Variants in NSD3 observed in about 807,000 individuals in gnomAD.
The protein encoded by NSD3 is nuclear receptor binding SET domain protein 3, also known as histone-lysine N-methyltransferase NSD3.
NSD3 carries 24 observed loss-of-function variants against 160.8 expected under a neutral mutation model. The ratio of observed to expected loss-of-function variants is 0.15; its 90% CI spans 0.11 to 0.21. The LOEUF (loss-of-function observed/expected upper bound fraction) is 0.21. Ranked by LOEUF, NSD3 falls within the 10% of genes least tolerant of loss-of-function variation. The pLI is 1.00. For synonymous variants in NSD3, 520 were observed against 600.0 expected, an observed-to-expected ratio of 0.87 and a Z score of 1.95; for missense variants, 1,157 against 1,735.9, an observed-to-expected ratio of 0.67 and a Z score of 5.93.
At chr8:38,283,721 C>T (rs1275748432) in intron 19 of NSD3, among the ~76,000 whole-genome samples, 1 of 152,196 alleles carries the variant, frequency 6.6e-6, no homozygotes, top group African/African-American at 2.4e-5. Flanking sequence ...ACATATGCTT[C>T]AGCTGCGGAG....
intron 1 of NSD3, among the ~76,000 whole-genome samples, chr8:38,349,381 G>C (rs1397463011): frequency 1.3e-5 from 2 of 150,814 alleles, no homozygotes; most frequent in Admixed American, 6.6e-5. Flanking sequence ...ACAGGGTCTT[G>C]CTATGTTGCC....
intron 1 of NSD3, among the ~76,000 whole-genome samples, chr8:38,353,195 A>C (rs993659461): frequency 6.6e-6 from 1 of 152,188 alleles, no homozygotes; most frequent in Non-Finnish European, 1.5e-5. Context: ...CTGCAAAAAA[A>C]CCGCAGTTCC....
chr8:38,318,797 G>A lies in NSD3; in HGVS notation c.1855+98C>T, dbSNP rs1169928273. 2.2e-5 allele frequency: 26 copies of A among 1,188,170 alleles called. No individual in the cohort carries two copies. The highest frequency in any genetic ancestry group is 3.1e-5 in the Non-Finnish European group (25 of 807,098). The allele number at this position is 1,188,170 out of a possible 1,614,324, so 73.6% of individuals were successfully genotyped here. On this transcript the variant is annotated intron_variant, in intron 9 of 23. Coordinates refer to ENST00000317025, the MANE Select transcript of NSD3 (RefSeq NM_023034.2). The surrounding 1 kb of genome is among the most constrained non-coding windows in gnomAD (Gnocchi z 5.3). ...CAATTTCACACTGAAGAGCAACAAC[G>A]ATTTACAGAGACAGACAAAAATACA...
intron 19 of NSD3, among the ~76,000 whole-genome samples, chr8:38,282,837 T>G (rs1350413326): frequency 1.3e-5 from 2 of 152,234 alleles, no homozygotes; most frequent in Non-Finnish European, 2.9e-5. Context: ...CTCTGAGTAG[T>G]GTTTCTGCCA....
intron 1 of NSD3, among the ~76,000 whole-genome samples, chr8:38,380,257 T>C (rs563507168): frequency 1.3e-5 from 2 of 152,344 alleles, no homozygotes; most frequent in East Asian, 3.9e-4. Context: ...AAGCAAGAGC[T>C]ATCAGAAATA....
chr8:38,372,086 AT>A (rs1167464542), intron 1 of NSD3, among the ~76,000 whole-genome samples: 1 of 152,240 alleles, frequency 6.6e-6, no homozygotes, highest in African/African-American at 2.4e-5. Flanking sequence ...TACTTTTTGA[AT>A]GGTTCCAATA....
At chr8:38,381,753 CACACACACACACACACACACAT>C (rs1438182461) in intron 1 of NSD3, 24 bp downstream of exon 1, 1 of 98,772 alleles carries the variant, frequency 1.0e-5, no homozygotes, top group African/African-American at 3.4e-5. Context: ...CGCGCACACA[CACACACACACACACACACACAT>C]ACACACACGC....
intron 1 of NSD3, among the ~76,000 whole-genome samples, chr8:38,358,763 A>G (rs1448494205): frequency 6.6e-6 from 1 of 152,138 alleles, no homozygotes; most frequent in Non-Finnish European, 1.5e-5. Context: ...TTTAATATGT[A>G]CATACACGCA....
At chr8:38,363,107 C>A (rs1294908180) in intron 1 of NSD3, among the ~76,000 whole-genome samples, 2 of 152,244 alleles carry the variant, frequency 1.3e-5, no homozygotes, top group African/African-American at 4.8e-5. Flanking sequence ...AACAAAACTA[C>A]TTCCGTGTTA....
chr8:38,341,955 A>C (rs1810379825), intron 2 of NSD3, among the ~76,000 whole-genome samples: 1 of 150,434 alleles, frequency 6.6e-6, no homozygotes, highest in African/African-American at 2.4e-5. Flanking sequence ...CAAAAAAACA[A>C]AAAAAAAAGG....
intron 1 of NSD3, among the ~76,000 whole-genome samples, chr8:38,368,179 C>T (rs540652524): frequency 2.2e-4 from 33 of 152,234 alleles, no homozygotes; most frequent in African/African-American, 4.6e-4. Context: ...AGGCCGGTCT[C>T]GAACTCCTGA....
chr8:38,292,114 C>T (rs1181092101), intron 16 of NSD3, among the ~76,000 whole-genome samples: 1 of 152,162 alleles, frequency 6.6e-6, no homozygotes, highest in Non-Finnish European at 1.5e-5. Context: ...GATCTGAAGG[C>T]TTCTTACATT....
At chr8:38,328,215 T>C (rs1809963450) in intron 6 of NSD3, among the ~76,000 whole-genome samples, 1 of 152,172 alleles carries the variant, frequency 6.6e-6, no homozygotes, top group Non-Finnish European at 1.5e-5. Context: ...TATAAATATA[T>C]ACATGCATAT....
At chr8:38,328,949 T>C (rs1411712826) in intron 6 of NSD3, among the ~76,000 whole-genome samples, 1 of 152,240 alleles carries the variant, frequency 6.6e-6, no homozygotes, top group Non-Finnish European at 1.5e-5. Flanking sequence ...AAATTGCTGG[T>C]GGAACCAAAC....
rs370508902 is a variant in NSD3 at position 38,302,918 on chromosome 8, G to A, written c.2611+1669C>T. ...CCAAGTGTTGGGATTACAGGCGTGA[G>A]CTACTGTGCCCAGCCTGAAAATACC... On this transcript the variant is annotated intron_variant, in intron 14 of 23. Coordinates refer to ENST00000317025, the MANE Select transcript of NSD3 (RefSeq NM_023034.2). Among the ~76,000 whole-genome samples, 11 of 152,190 alleles carry A rather than the reference G, an allele frequency of 7.2e-5. No homozygotes were observed. In the East Asian group the frequency reaches 1.9e-3, roughly 27 times the overall value.
chr8:38,381,492 C>G (rs1440689722), intron 1 of NSD3: 1 of 149,018 alleles, frequency 6.7e-6, no homozygotes, highest in East Asian at 2.0e-4. Flanking sequence ...TCCCCGCCCC[C>G]ATCCCACTTT....
rs1808515637 is a variant in NSD3 at position 38,272,834 on chromosome 8, G to A, written c.*2807C>T. Reference sequence around the variant, plus strand: ...TGGAATATTTCATTGGTGTATCACAGGCACAGTGCATGTATACTCATGCAC... The same window carrying A: ...TGGAATATTTCATTGGTGTATCACAAGCACAGTGCATGTATACTCATGCAC... On this transcript the variant is annotated 3_prime_UTR_variant, in exon 24 of 24. Coordinates refer to ENST00000317025, the MANE Select transcript of NSD3 (RefSeq NM_023034.2). 1 of 152,180 alleles carries A rather than the reference G, an allele frequency of 6.6e-6. No homozygotes were observed. Among genetic ancestry groups the A allele is most frequent in the Non-Finnish European group, 1.5e-5 (1 of 68,046 alleles). 9.4% of individuals were successfully genotyped at this position (152,180 alleles called of 1,614,324 possible).
chr8:38,303,443 A>C, intron 14 of NSD3: 1 of 976,762 alleles, frequency 1.0e-6, no homozygotes, highest in Non-Finnish European at 1.2e-6. Context: ...AAAGGCAGAC[A>C]GTCACATGTG....
At position 38,331,578 on chromosome 8, in the gene NSD3, T is replaced by C. The variant is rs772561500; in HGVS notation, c.918A>G (p.Arg306=). The change falls in exon 5 of 24, where the codon CGA becomes CGG. Residue 306 remains arginine, a synonymous_variant. Coordinates refer to ENST00000317025, the MANE Select transcript of NSD3 (RefSeq NM_023034.2). ...VHTKINTRGA[R]EYHVQFFSNQ... is the part of the protein sequence containing the mutation. ...TGCTAAAAAACTGGACATGATATTC[T>C]CGGGCACCTGTAAGTAAAAATTCTT... 6 of 1,610,422 alleles carry C rather than the reference T, an allele frequency of 3.7e-6. No homozygotes were observed. Among genetic ancestry groups the C allele is most frequent in the Middle Eastern group, 3.3e-4 (2 of 6,034 alleles).
Sources: allele counts gnomAD v4.1 joint callset (sites outside exome capture counted in the v4.1 genomes callset), GRCh38; gene constraint gnomAD v4.1.1; non-coding constraint Gnocchi (gnomAD v3.1); transcripts MANE v1.5; gene names NCBI Gene and HGNC (gene_info 2026-07-23, HGNC 2026-07-21).